THSD7A: variants seen among roughly 807,000 people sequenced by gnomAD.
The protein encoded by THSD7A is thrombospondin type-1 domain-containing protein 7A.
THSD7A carries 96 observed loss-of-function variants against 231.3 expected under a neutral mutation model. The observed-to-expected ratio is 0.41, with a 90% CI of 0.35 to 0.49. The LOEUF (loss-of-function observed/expected upper bound fraction) is 0.49. Ranked by LOEUF, THSD7A falls within the 20% of genes least tolerant of loss-of-function variation. The probability of loss-of-function intolerance (pLI) is 0.05; values close to 1 mark genes in which losing one functional copy is unlikely to be tolerated. For missense variants in THSD7A, 2,290 were observed against 2,070.2 expected (o/e 1.11, Z -2.06); for synonymous variants, 940 against 743.3 (o/e 1.26, Z -4.30).
rs772765653 is a variant in THSD7A at position 11,636,611 on chromosome 7, G to A, written c.541C>T (p.Pro181Ser). ...DIICEYFEPK[P>S]LLEQACLIPC... is the part of the protein sequence containing the mutation. ...ATGAGGCAAGCCTGCTCCAGGAGAG[G>A]CTTGGGCTCAAAGTACTCACAGATG... Residue 181 changes from proline to serine, a missense_variant, in exon 2 of 28, where the codon CCT (proline) becomes TCT (serine). Coordinates refer to ENST00000423059, the MANE Select transcript of THSD7A (RefSeq NM_015204.3). The surrounding 1 kb of genome is among the most constrained non-coding windows in gnomAD (Gnocchi z 10.0). 6.2e-7 allele frequency: 1 copy of A among 1,614,006 alleles called. No homozygotes were observed. The highest frequency in any genetic ancestry group is 8.5e-7 in the Non-Finnish European group (1 of 1,179,904).
chr7:11,616,525 G>T (rs1292291548), intron 2 of THSD7A, among the ~76,000 whole-genome samples: 1 of 151,864 alleles, frequency 6.6e-6, no homozygotes, highest in East Asian at 1.9e-4. Flanking sequence ...CACAGTCCAA[G>T]AATAATTTAA....
At chr7:11,526,387 T>G (rs1040040398) in intron 6 of THSD7A, among the ~76,000 whole-genome samples, 2 of 152,186 alleles carry the variant, frequency 1.3e-5, no homozygotes, top group Non-Finnish European at 2.9e-5. Flanking sequence ...AGTGATCCTA[T>G]GAGGCAGAGA....
chr7:11,554,844 T>C (rs573296459), intron 4 of THSD7A, among the ~76,000 whole-genome samples: 36 of 152,032 alleles, frequency 2.4e-4, no homozygotes, highest in African/African-American at 8.7e-4. Flanking sequence ...TTTATTTTGA[T>C]TTTTTTATTC....
chr7:11,481,490 A>T (rs1226399376), intron 7 of THSD7A, among the ~76,000 whole-genome samples: 1 of 152,182 alleles, frequency 6.6e-6, no homozygotes, highest in Non-Finnish European at 1.5e-5. Context: ...AGCCATTTTC[A>T]GACCTTCTTA....
At chr7:11,533,175 T>G (rs2128319969) in intron 6 of THSD7A, among the ~76,000 whole-genome samples, 1 of 152,304 alleles carries the variant, frequency 6.6e-6, no homozygotes, top group Middle Eastern at 3.4e-3. Context: ...CTTTGCCAAT[T>G]TAGACTTGGA....
intron 4 of THSD7A, among the ~76,000 whole-genome samples, chr7:11,545,670 C>G (rs1053455987): frequency 2.0e-5 from 3 of 152,148 alleles, no homozygotes; most frequent in African/African-American, 7.2e-5. Flanking sequence ...ATGGAATGGC[C>G]CACTCTTGCC....
intron 1 of THSD7A, among the ~76,000 whole-genome samples, chr7:11,721,447 C>T (rs1583223665): frequency 6.6e-6 from 1 of 151,924 alleles, no homozygotes; most frequent in East Asian, 2.0e-4. Context: ...ATGCCTGCTG[C>T]CCCTTTGCCT....
At chr7:11,705,146 A>C (rs1780724105) in intron 1 of THSD7A, among the ~76,000 whole-genome samples, 1 of 151,092 alleles carries the variant, frequency 6.6e-6, no homozygotes. Flanking sequence ...TGTCATTGTT[A>C]AACTAACAAT....
chr7:11,440,264 G>T (rs1373250915), intron 13 of THSD7A, among the ~76,000 whole-genome samples: 1 of 151,956 alleles, frequency 6.6e-6, no homozygotes, highest in Non-Finnish European at 1.5e-5. Flanking sequence ...AGTTCTTATT[G>T]ACAACGCATG....
chr7:11,511,039 G>A (rs557383172), intron 6 of THSD7A, among the ~76,000 whole-genome samples: 287 of 152,236 alleles, frequency 1.9e-3, no homozygotes, highest in African/African-American at 6.3e-3. Flanking sequence ...AAACCCCATC[G>A]TCTCAGCCCA....
At chr7:11,638,770 G>A (rs1354954369) in intron 1 of THSD7A, among the ~76,000 whole-genome samples, 2 of 152,068 alleles carry the variant, frequency 1.3e-5, no homozygotes, top group Non-Finnish European at 2.9e-5. Flanking sequence ...GAAACTTTAT[G>A]GGAGAAAGCC....
rs1050438574 is a variant in THSD7A at position 11,426,656 on chromosome 7, G to C, written c.3249+10C>G. 3.9e-6 allele frequency: 6 copies of C among 1,557,758 alleles called. No homozygotes were observed. The African/African-American group carries it at 5.4e-5, about 14-fold the overall frequency. On this transcript the variant is annotated intron_variant, in intron 15 of 27. Transcript: ENST00000423059. Reference sequence around the variant, plus strand: ...TTCTATCAAAAAGCATGAGGTTTAAGAGTTCTTACCTGTGCCTGGAGTGGT... The same window carrying C: ...TTCTATCAAAAAGCATGAGGTTTAACAGTTCTTACCTGTGCCTGGAGTGGT...
intron 11 of THSD7A, among the ~76,000 whole-genome samples, chr7:11,459,551 T>C (rs1165403837): frequency 2.0e-5 from 3 of 151,794 alleles, no homozygotes; most frequent in African/African-American, 7.3e-5. Flanking sequence ...ATGAGAATTA[T>C]GCAAATAAAA....
intron 9 of THSD7A, among the ~76,000 whole-genome samples, chr7:11,467,464 T>C (rs921659063): frequency 6.6e-6 from 1 of 152,080 alleles, no homozygotes; most frequent in Non-Finnish European, 1.5e-5. Flanking sequence ...GTGCTAGTTA[T>C]ATACAAAAAT....
chr7:11,379,934 AG>A (rs752757632), intron 24 of THSD7A, among the ~76,000 whole-genome samples: 4 of 152,170 alleles, frequency 2.6e-5, no homozygotes, highest in African/African-American at 4.8e-5. Flanking sequence ...GGTACTCAGC[AG>A]GTATTCAACA....
chr7:11,733,614 C>G (rs1461719910), intron 1 of THSD7A, among the ~76,000 whole-genome samples: 2 of 151,864 alleles, frequency 1.3e-5, no homozygotes, highest in South Asian at 2.1e-4. Context: ...GAGGCAGCGT[C>G]TACACAGAAG....
chr7:11,810,781 A>C (rs1284993526), intron 1 of THSD7A, among the ~76,000 whole-genome samples: 3 of 152,166 alleles, frequency 2.0e-5, no homozygotes, highest in Admixed American at 2.0e-4. Flanking sequence ...TTTAATTTCA[A>C]CTTTCAGAAA....
At chr7:11,379,419 A>G in intron 25 of THSD7A, 139 bp from the exon 26 acceptor site, 1 of 920,534 alleles carries the variant, frequency 1.1e-6, no homozygotes, top group Non-Finnish European at 1.6e-6. Flanking sequence ...TTTTAACTAC[A>G]AAGAAACATA....
At chr7:11,759,469 C>T (rs977308174) in intron 1 of THSD7A, among the ~76,000 whole-genome samples, 20 of 151,860 alleles carry the variant, frequency 1.3e-4, no homozygotes, top group African/African-American at 3.1e-4. Context: ...GAATATGTGA[C>T]AAGGACAGAA....
Sources: gnomAD v4.1 joint callset for allele counts (sites outside exome capture counted in the v4.1 genomes callset) on GRCh38, gnomAD v4.1.1 for gene constraint, Gnocchi (gnomAD v3.1) non-coding constraint, MANE v1.5 for transcripts, NCBI Gene and HGNC (gene_info 2026-07-23, HGNC 2026-07-21) for gene names.